The following RBFOX3 variants were observed in gnomAD, a reference collection of about 807,000 sequenced individuals.
The protein encoded by RBFOX3 is RNA binding protein fox-1 homolog 3.
RBFOX3 carries 17 observed loss-of-function variants against 48.7 expected under a neutral mutation model. That is an observed-to-expected ratio of 0.35 (90% CI 0.24 to 0.52). The LOEUF (loss-of-function observed/expected upper bound fraction) is 0.52. Among genes scored for constraint, RBFOX3 ranks in the 20% least tolerant of loss-of-function variants. The pLI is 0.94. For synonymous variants in RBFOX3, 212 were observed against 209.5 expected, an observed-to-expected ratio of 1.01 and a Z score of -0.10; for missense variants, 382 against 497.5, an observed-to-expected ratio of 0.77 and a Z score of 2.21.
At chr17:79,497,538 C>A (rs1488389654) in intron 1 of RBFOX3, among the ~76,000 whole-genome samples, 2 of 152,112 alleles carry the variant, frequency 1.3e-5, no homozygotes, top group African/African-American at 4.8e-5. Context: ...CCAGCAGTGG[C>A]AGGAAGGCCA....
At chr17:79,169,824 C>T (rs957887464) in intron 4 of RBFOX3, among the ~76,000 whole-genome samples, 4 of 151,994 alleles carry the variant, frequency 2.6e-5, no homozygotes, top group African/African-American at 9.7e-5. Flanking sequence ...TGAGAATATA[C>T]TGAAAACCAC....
At chr17:79,605,524 C>T (rs1003863544) in intron 1 of RBFOX3, among the ~76,000 whole-genome samples, 7 of 152,178 alleles carry the variant, frequency 4.6e-5, no homozygotes, top group Non-Finnish European at 7.3e-5. Context: ...GCATACAGAG[C>T]TGATGACCAG....
chr17:79,275,194 C>A (rs2068560294), intron 3 of RBFOX3, among the ~76,000 whole-genome samples: 1 of 88,800 alleles, frequency 1.1e-5, no homozygotes, highest in African/African-American at 4.9e-5. Flanking sequence ...GCCTCATGCT[C>A]CTCCCCTGGC....
chr17:79,294,915 T>C (rs2074077817), intron 3 of RBFOX3, among the ~76,000 whole-genome samples: 1 of 152,230 alleles, frequency 6.6e-6, no homozygotes, highest in South Asian at 2.1e-4. Flanking sequence ...TGAAGAGCTT[T>C]CTAAAGTTTT....
At chr17:79,092,493 G>C in intron 14 of RBFOX3, 4 of 986,058 alleles carry the variant, frequency 4.1e-6, no homozygotes, top group Non-Finnish European at 4.8e-6. Context: ...GTCGCTGACC[G>C]GGAGGGGTGC....
the RBFOX3 span, among the ~76,000 whole-genome samples, chr17:79,663,253 A>G: frequency 8.5e-5 from 13 of 152,282 alleles, no homozygotes; most frequent in South Asian, 2.1e-3. Flanking sequence ...GGTCCATTAT[A>G]AATGATGCTT....
In RBFOX3 at chr17:79,118,991, AAAT is replaced by A. The variant is rs1291487029; in HGVS notation, c.-33-3246_-33-3244del. Among the ~76,000 whole-genome samples, 860 of 146,962 alleles carry A rather than the reference AAAT, an allele frequency of 5.9e-3. 27 individuals are homozygous for A. The East Asian group carries it at 0.076, about 13-fold the overall frequency. On this transcript the variant is annotated intron_variant, in intron 4 of 14. Transcript: ENST00000693108. The stretch of plus-strand genomic sequence containing the variant: ...CCCCTGTCTCAAAAAAAAAAAAAAA[AAAT>A]AAAGAAAATAAAATAAAAAAGAAAG...
At position 79,390,545 on chromosome 17, in the gene RBFOX3, T is replaced by C. The variant is rs1490301334; in HGVS notation, c.-174-82721A>G. Reference sequence around the variant, plus strand: ...CAGGCTGGAGTGCAGTGGCACAATCTCGGCTCACTACAACGTCTGCCTCTC... The same window carrying C: ...CAGGCTGGAGTGCAGTGGCACAATCCCGGCTCACTACAACGTCTGCCTCTC... On this transcript the variant is annotated intron_variant, in intron 2 of 14. Transcript: ENST00000693108. This position sits in a 1 kb window ranked among gnomAD's most constrained non-coding sequence, Gnocchi z 4.2. Among the ~76,000 whole-genome samples, 1 of 151,030 alleles carries C rather than the reference T, an allele frequency of 6.6e-6. No homozygotes were observed. Among genetic ancestry groups the C allele is most frequent in the East Asian group, 2.0e-4 (1 of 5,122 alleles).
At chr17:79,427,712 G>C (rs1555726313) in intron 2 of RBFOX3, among the ~76,000 whole-genome samples, 1 of 152,250 alleles carries the variant, frequency 6.6e-6, no homozygotes, top group Non-Finnish European at 1.5e-5. Context: ...AATGAGCAGA[G>C]AAGGCAGAGG....
chr17:79,562,632 C>G (rs1000934872), intron 1 of RBFOX3, among the ~76,000 whole-genome samples: 7 of 152,158 alleles, frequency 4.6e-5, no homozygotes, highest in African/African-American at 1.7e-4. Flanking sequence ...ACATCCAGCA[C>G]GAAGTACCAC....
chr17:79,561,234 G>T (rs1388840431), intron 1 of RBFOX3, among the ~76,000 whole-genome samples: 2 of 152,120 alleles, frequency 1.3e-5, no homozygotes, highest in Non-Finnish European at 2.9e-5. Flanking sequence ...TGCCCCTGGG[G>T]GCTTAAGTTC....
chr17:79,478,677 T>C (rs2078330353), intron 2 of RBFOX3, among the ~76,000 whole-genome samples: 1 of 152,054 alleles, frequency 6.6e-6, no homozygotes, highest in South Asian at 2.1e-4. Flanking sequence ...AAGGGAAGGG[T>C]CAGGGTTGGA....
intron 4 of RBFOX3, among the ~76,000 whole-genome samples, chr17:79,120,980 G>A (rs2035599461): frequency 6.6e-6 from 1 of 151,964 alleles, no homozygotes; most frequent in African/African-American, 2.4e-5. Flanking sequence ...CCTGCCATGG[G>A]CCAGGCACTG....
At chr17:79,559,397 T>C (rs2144104681) in intron 1 of RBFOX3, among the ~76,000 whole-genome samples, 1 of 148,014 alleles carries the variant, frequency 6.8e-6, no homozygotes, top group Admixed American at 6.7e-5. Flanking sequence ...GGTGGATAAG[T>C]GAATGGGTGA....
At chr17:79,532,123 A>C (rs2087874019) in intron 1 of RBFOX3, among the ~76,000 whole-genome samples, 2 of 151,922 alleles carry the variant, frequency 1.3e-5, no homozygotes. Flanking sequence ...CTCAGGTGGC[A>C]GCGCCAGAAT....
intron 2 of RBFOX3, among the ~76,000 whole-genome samples, chr17:79,457,663 G>T (rs1360031103): frequency 1.3e-5 from 2 of 152,240 alleles, no homozygotes; most frequent in African/African-American, 2.4e-5. Flanking sequence ...CCAAAGAGAT[G>T]CAGAGAATGA....
intron 2 of RBFOX3, among the ~76,000 whole-genome samples, chr17:79,410,449 G>T (rs1203883745): frequency 1.3e-5 from 2 of 152,156 alleles, no homozygotes; most frequent in Non-Finnish European, 2.9e-5. Context: ...CGGCAGGGGG[G>T]CGGTCATTAA....
chr17:79,579,003 C>T lies in RBFOX3; in HGVS notation c.-320+31823G>A, dbSNP rs997945262. Among the ~76,000 whole-genome samples the T allele has an allele frequency of 9.3e-4, 141 of 152,344 alleles. 2 individuals are homozygous for T. The highest frequency in any genetic ancestry group is 2.9e-3 in the African/African-American group (121 of 41,582). On this transcript the variant is annotated intron_variant, in intron 1 of 14. Coordinates refer to ENST00000693108, the MANE Select transcript of RBFOX3 (RefSeq NM_001350451.2). Reference sequence around the variant, plus strand: ...GCTGCACTTCAGACTCAGCCTCCTGCCCCCTCAACGTCCTGAGCATCGTGC... The same window carrying T: ...GCTGCACTTCAGACTCAGCCTCCTGTCCCCTCAACGTCCTGAGCATCGTGC...
At chr17:79,337,873 G>T (rs969590813) in intron 2 of RBFOX3, among the ~76,000 whole-genome samples, 7 of 152,084 alleles carry the variant, frequency 4.6e-5, no homozygotes, top group African/African-American at 1.7e-4. Context: ...AAGAGAAGTG[G>T]CAGGCATGTG....
Sources: allele counts gnomAD v4.1 joint callset (sites outside exome capture counted in the v4.1 genomes callset), GRCh38; gene constraint gnomAD v4.1.1; non-coding constraint Gnocchi (gnomAD v3.1); transcripts MANE v1.5; gene names NCBI Gene and HGNC (gene_info 2026-07-23, HGNC 2026-07-21).